The following CSRNP3 variants were observed in gnomAD, a reference collection of about 807,000 sequenced individuals.
The protein encoded by CSRNP3 is cysteine/serine-rich nuclear protein 3.
In CSRNP3, 12 loss-of-function variants were observed where a neutral mutation model predicts 48.0. The observed-to-expected ratio is 0.25, with a 90% CI of 0.16 to 0.41. The LOEUF (loss-of-function observed/expected upper bound fraction) is 0.41, where lower values mean the gene tolerates loss of function less well. Among genes scored for constraint, CSRNP3 ranks in the 10% least tolerant of loss-of-function variants. The probability of loss-of-function intolerance (pLI) is 1.00; values close to 1 mark genes in which losing one functional copy is unlikely to be tolerated. For missense variants in CSRNP3, 580 were observed against 724.4 expected, an observed-to-expected ratio of 0.80 and a Z score of 2.29; for synonymous variants, 263 against 269.7, an observed-to-expected ratio of 0.98 and a Z score of 0.24.
rs1049198982 is a variant in CSRNP3, at chr2:165,582,592, C to T, written c.-23-12451C>T. Among the ~76,000 whole-genome samples the T allele has an allele frequency of 5.9e-5, 9 of 152,290 alleles. No homozygotes were observed. The East Asian group carries it at 9.6e-4, about 16-fold the overall frequency. ...TGTCCTAGGAAGTGGGTGACCCTGA[C>T]GGTAAAAGGAATGTTGGCAACAGAT... On this transcript the variant is annotated intron_variant, in intron 3 of 6. Coordinates refer to ENST00000651982, the MANE Select transcript of CSRNP3 (RefSeq NM_001172173.2).
chr2:165,540,482 C>T (rs749454427), intron 3 of CSRNP3, among the ~76,000 whole-genome samples: 33 of 151,980 alleles, frequency 2.2e-4, no homozygotes, highest in Non-Finnish European at 3.8e-4. Flanking sequence ...TTAATACCTG[C>T]GATCTTGTCT....
chr2:165,626,235 AAG>A (rs1357294289), intron 4 of CSRNP3, among the ~76,000 whole-genome samples: 1 of 152,138 alleles, frequency 6.6e-6, no homozygotes, highest in Non-Finnish European at 1.5e-5. Context: ...AAAAAAAAAA[AAG>A]AGAAGAGAGA....
At chr2:165,558,074 G>T (rs1685183070) in intron 3 of CSRNP3, among the ~76,000 whole-genome samples, 1 of 152,124 alleles carries the variant, frequency 6.6e-6, no homozygotes, top group South Asian at 2.1e-4. Flanking sequence ...TATTCCTGCA[G>T]ATTTTTTAAA....
chr2:165,663,349 T>C (rs1382783136), intron 5 of CSRNP3, among the ~76,000 whole-genome samples: 1 of 152,226 alleles, frequency 6.6e-6, no homozygotes, highest in African/African-American at 2.4e-5. Context: ...TTGTAGAGAT[T>C]ATGCCACAGC....
intron 2 of CSRNP3, among the ~76,000 whole-genome samples, chr2:165,501,628 T>C (rs1684360430): frequency 6.6e-6 from 1 of 152,174 alleles, no homozygotes; most frequent in Non-Finnish European, 1.5e-5. Flanking sequence ...AATTATCTCA[T>C]TTAATTCTCC....
At chr2:165,579,378 A>G (rs1379026898) in intron 3 of CSRNP3, among the ~76,000 whole-genome samples, 1 of 152,212 alleles carries the variant, frequency 6.6e-6, no homozygotes, top group East Asian at 1.9e-4. Context: ...ATCCCCAGGT[A>G]TGATGTGGCA....
At chr2:165,512,892 C>T (rs1684526163) in intron 2 of CSRNP3, among the ~76,000 whole-genome samples, 1 of 152,334 alleles carries the variant, frequency 6.6e-6, no homozygotes, top group South Asian at 2.1e-4. Flanking sequence ...ATCACAAGGT[C>T]AGGAGATTGA....
intron 3 of CSRNP3, among the ~76,000 whole-genome samples, chr2:165,587,120 CT>C (rs1401621452): frequency 6.6e-6 from 1 of 152,182 alleles, no homozygotes; most frequent in Non-Finnish European, 1.5e-5. Flanking sequence ...TGCTCACAGG[CT>C]TCTGAGCAAT....
chr2:165,611,853 A>G (rs1686143249), intron 4 of CSRNP3, among the ~76,000 whole-genome samples: 1 of 152,148 alleles, frequency 6.6e-6, no homozygotes, highest in Non-Finnish European at 1.5e-5. Context: ...GTTTCTACTT[A>G]ATTATATATA....
intron 3 of CSRNP3, 25 bp from the exon 4 acceptor site, chr2:165,595,018 T>C: frequency 6.2e-7 from 1 of 1,601,406 alleles, no homozygotes. Context: ...ATTTCAATGC[T>C]CTGTTGCTCT....
At chr2:165,512,284 T>C (rs941828927) in intron 2 of CSRNP3, among the ~76,000 whole-genome samples, 1 of 152,220 alleles carries the variant, frequency 6.6e-6, no homozygotes, top group African/African-American at 2.4e-5. Context: ...GTCTCACCAA[T>C]TTACAATTTT....
intron 3 of CSRNP3, among the ~76,000 whole-genome samples, chr2:165,529,350 G>A (rs1483057081): frequency 1.3e-5 from 2 of 152,150 alleles, no homozygotes; most frequent in Admixed American, 6.5e-5. Context: ...GGTCTTTCCT[G>A]TGCTGTTGTT....
At chr2:165,597,917 A>T (rs1393519924) in intron 4 of CSRNP3, among the ~76,000 whole-genome samples, 1 of 152,152 alleles carries the variant, frequency 6.6e-6, no homozygotes. Context: ...TCTCCAATAA[A>T]AAATACTAAT....
At chr2:165,469,826 T>C (rs1294627047) in intron 1 of CSRNP3, 86 bp downstream of exon 1, 3 of 152,196 alleles carry the variant, frequency 2.0e-5, no homozygotes, top group African/African-American at 7.2e-5. Flanking sequence ...GAAACAATTT[T>C]ATAGTAGGAA....
chr2:165,658,125 A>T lies in CSRNP3; in HGVS notation c.408+105A>T, dbSNP rs960090346. On this transcript the variant is annotated intron_variant, in intron 5 of 6. Transcript: ENST00000651982. ...TCACGAAACAAACTGGGCACTTTACATAACAGACTGCTTGCTGACATTTTT... is the reference window on the plus strand; with the variant it reads ...TCACGAAACAAACTGGGCACTTTACTTAACAGACTGCTTGCTGACATTTTT... 4 of 1,248,058 alleles carry T rather than the reference A, an allele frequency of 3.2e-6. No homozygotes were observed. The Admixed American group carries it at 7.9e-5, about 25-fold the overall frequency. The allele number at this position is 1,248,058 out of a possible 1,614,324, so 77.3% of individuals were successfully genotyped here. A position where few individuals can be genotyped will look rare whatever the true frequency, so the allele number is the denominator to read the frequency against.
At chr2:165,484,866 C>T (rs186856587) in intron 1 of CSRNP3, among the ~76,000 whole-genome samples, 1 of 152,294 alleles carries the variant, frequency 6.6e-6, no homozygotes, top group East Asian at 1.9e-4. Context: ...TGAAAACAAA[C>T]TAGAATAAAA....
chr2:165,653,331 T>C (rs10167482), intron 4 of CSRNP3, among the ~76,000 whole-genome samples: 41,855 of 152,110 alleles, frequency 0.28, 6,157 homozygotes, highest in Non-Finnish European at 0.33. Context: ...ATGTATAATA[T>C]GCAAATGCTA....
chr2:165,642,141 CA>C, intron 4 of CSRNP3, among the ~76,000 whole-genome samples: 1 of 147,004 alleles, frequency 6.8e-6, no homozygotes, highest in East Asian at 2.0e-4. Flanking sequence ...CACACACACA[CA>C]CACACGGTAT....
intron 1 of CSRNP3, among the ~76,000 whole-genome samples, chr2:165,482,952 A>T (rs1184896436): frequency 6.6e-6 from 1 of 152,096 alleles, no homozygotes; most frequent in Non-Finnish European, 1.5e-5. Flanking sequence ...TAATCAACCT[A>T]AGCCCATGAT....
Sources: gnomAD v4.1 joint callset for allele counts (sites outside exome capture counted in the v4.1 genomes callset) on GRCh38, gnomAD v4.1.1 for gene constraint, MANE v1.5 for transcripts, NCBI Gene and HGNC (gene_info 2026-07-23, HGNC 2026-07-21) for gene names.